The following SOHLH2 variants were observed in gnomAD, a reference collection of about 807,000 sequenced individuals.
SOHLH2 encodes the protein spermatogenesis- and oogenesis-specific basic helix-loop-helix-containing protein 2.
In SOHLH2, 22 loss-of-function variants were observed where a neutral mutation model predicts 50.4. That is an observed-to-expected ratio of 0.44 (90% CI 0.31 to 0.62). The LOEUF (loss-of-function observed/expected upper bound fraction) is 0.62, where lower values mean the gene tolerates loss of function less well. Among genes scored for constraint, SOHLH2 ranks in the 20% least tolerant of loss-of-function variants. The pLI, the probability that SOHLH2 is intolerant of heterozygous loss-of-function variation, is 0.08. For synonymous variants in SOHLH2, 185 were observed against 187.3 expected (o/e 0.99, Z 0.10); for missense variants, 412 against 504.4 (o/e 0.82, Z 1.76).
intron 2 of SOHLH2, among the ~76,000 whole-genome samples, chr13:36,201,159 AG>A (rs1868398307): frequency 6.6e-6 from 1 of 152,082 alleles, no homozygotes; most frequent in Non-Finnish European, 1.5e-5. Flanking sequence ...TGAATCCAGA[AG>A]GCCCCATGGC....
chr13:36,207,161 T>A (rs574111544), intron 1 of SOHLH2, among the ~76,000 whole-genome samples: 36 of 152,222 alleles, frequency 2.4e-4, no homozygotes, highest in African/African-American at 8.2e-4. Flanking sequence ...ATTTAAGTAA[T>A]TACATTACTG....
intron 6 of SOHLH2, among the ~76,000 whole-genome samples, chr13:36,188,275 G>A (rs138662183): frequency 8.6e-4 from 131 of 152,318 alleles, no homozygotes; most frequent in Non-Finnish European, 1.6e-3. Context: ...ACAATAAAAT[G>A]GTGGTTGTTT....
chr13:36,192,770 C>G (rs1887613330), intron 4 of SOHLH2, among the ~76,000 whole-genome samples: 5 of 151,986 alleles, frequency 3.3e-5, no homozygotes, highest in Admixed American at 3.3e-4. Context: ...ACATCGTTAC[C>G]TTTTCTGGTG....
chr13:36,205,464 A>T (rs984455991), intron 1 of SOHLH2, among the ~76,000 whole-genome samples: 1 of 152,124 alleles, frequency 6.6e-6, no homozygotes, highest in African/African-American at 2.4e-5. Context: ...TTTACATCAG[A>T]AAAGGGTGTT....
At chr13:36,194,167 GAAAC>G (rs1462998949) in intron 2 of SOHLH2, among the ~76,000 whole-genome samples, 1 of 151,652 alleles carries the variant, frequency 6.6e-6, no homozygotes, top group African/African-American at 2.4e-5. Flanking sequence ...TCATGGGAAT[GAAAC>G]AAGCAGAATC....
At chr13:36,202,657 G>T (rs1221126787) in intron 1 of SOHLH2, among the ~76,000 whole-genome samples, 1 of 152,180 alleles carries the variant, frequency 6.6e-6, no homozygotes, top group African/African-American at 2.4e-5. Context: ...ATTCAATTAG[G>T]AAAAAGAGCA....
At chr13:36,187,507 C>T (rs117500638) in intron 6 of SOHLH2, among the ~76,000 whole-genome samples, 1,908 of 152,192 alleles carry the variant, frequency 0.013, 24 homozygotes, top group Non-Finnish European at 0.019. Context: ...GCCAGCGGGC[C>T]CTAAGTCTTG....
At chr13:36,170,395 C>T in intron 10 of SOHLH2, 136 bp downstream of exon 10, 1 of 1,402,424 alleles carries the variant, frequency 7.1e-7, no homozygotes. Flanking sequence ...TTTCACTCAT[C>T]AGGGTAGAGA....
intron 2 of SOHLH2, among the ~76,000 whole-genome samples, 200 bp downstream of exon 2, chr13:36,201,679 A>G (rs1868425922): frequency 6.6e-6 from 1 of 152,194 alleles, no homozygotes; most frequent in Non-Finnish European, 1.5e-5. Context: ...TATGTTGCCC[A>G]GGCAGGTCTG....
chr13:36,204,966 G>C (rs999281417), intron 1 of SOHLH2, among the ~76,000 whole-genome samples: 4 of 152,210 alleles, frequency 2.6e-5, no homozygotes, highest in African/African-American at 7.2e-5. Flanking sequence ...TTTTGCATGT[G>C]TCCTAGCATG....
At chr13:36,189,751 CCTT>C (rs932239398) in intron 6 of SOHLH2, among the ~76,000 whole-genome samples, 192 bp downstream of exon 6, 1 of 152,194 alleles carries the variant, frequency 6.6e-6, no homozygotes, top group African/African-American at 2.4e-5. Context: ...GTTCTCCAAT[CCTT>C]CTTTGGCATG....
intron 5 of SOHLH2, among the ~76,000 whole-genome samples, chr13:36,191,265 C>T (rs1887564463): frequency 6.6e-6 from 1 of 152,052 alleles, no homozygotes; most frequent in East Asian, 1.9e-4. Context: ...CTAAAACTTG[C>T]CTTGTATACC....
At chr13:36,189,214 A>C (rs1887508338) in intron 6 of SOHLH2, among the ~76,000 whole-genome samples, 1 of 152,126 alleles carries the variant, frequency 6.6e-6, no homozygotes, top group South Asian at 2.1e-4. Flanking sequence ...CTCCGGATGC[A>C]ATTCACTGTG....
intron 6 of SOHLH2, among the ~76,000 whole-genome samples, chr13:36,177,723 C>T (rs539331023): frequency 6.6e-6 from 1 of 152,050 alleles, no homozygotes; most frequent in Non-Finnish European, 1.5e-5. Flanking sequence ...CTTTGTCAAG[C>T]GTCCATGCAG....
intron 9 of SOHLH2, among the ~76,000 whole-genome samples, chr13:36,172,214 T>C (rs895618543): frequency 6.6e-6 from 1 of 152,176 alleles, no homozygotes; most frequent in African/African-American, 2.4e-5. Context: ...ACGAAAATAA[T>C]GTTTCAGAGT....
chr13:36,182,050 A>G (rs1033986451), intron 6 of SOHLH2: 57 of 981,870 alleles, frequency 5.8e-5, no homozygotes, highest in Non-Finnish European at 6.0e-5. Flanking sequence ...AACCAATAGT[A>G]TATATTTATT....
At chr13:36,196,783 T>C (rs965153949) in intron 2 of SOHLH2, among the ~76,000 whole-genome samples, 1 of 152,188 alleles carries the variant, frequency 6.6e-6, no homozygotes, top group African/African-American at 2.4e-5. Flanking sequence ...CTTTCAAATT[T>C]CAAGCTTTAC....
intron 1 of SOHLH2, among the ~76,000 whole-genome samples, chr13:36,205,869 T>C (rs1317114683): frequency 6.6e-6 from 1 of 152,048 alleles, no homozygotes; most frequent in Non-Finnish European, 1.5e-5. Context: ...TTTCATTTTA[T>C]AGTTCCTTAT....
chr13:36,170,844 C>T lies in SOHLH2; in HGVS notation c.1001-57G>A, dbSNP rs111932816. On this transcript the variant is annotated intron_variant, in intron 9 of 10. Coordinates refer to ENST00000379881, the MANE Select transcript of SOHLH2 (RefSeq NM_017826.3). The stretch of plus-strand genomic sequence containing the variant: ...GTATCCACAATTCTGTAATTCAGAA[C>T]GACTGTTATTCGACATAAACTGCCC... The T allele has an allele frequency of 3.3e-5, 52 of 1,574,122 alleles. 1 individual carries two copies. The Middle Eastern group carries it at 5.1e-4, about 15-fold the overall frequency.
Sources: gnomAD v4.1 joint callset for allele counts (sites outside exome capture counted in the v4.1 genomes callset) on GRCh38, gnomAD v4.1.1 for gene constraint, MANE v1.5 for transcripts, NCBI Gene and HGNC (gene_info 2026-07-23, HGNC 2026-07-21) for gene names.